Variants in AFTPH observed in about 807,000 individuals in gnomAD.
AFTPH encodes aftiphilin.
AFTPH carries 7 observed loss-of-function variants against 72.5 expected under a neutral mutation model. The observed-to-expected ratio is 0.10, with a 90% CI of 0.05 to 0.18. The LOEUF is 0.18. Ranked by LOEUF, AFTPH falls within the 10% of genes least tolerant of loss-of-function variation. The probability of loss-of-function intolerance (pLI) is 1.00; values close to 1 mark genes in which losing one functional copy is unlikely to be tolerated. For synonymous variants in AFTPH, 337 were observed against 370.1 expected, an observed-to-expected ratio of 0.91 and a Z score of 1.03; for missense variants, 979 against 1,060.5, an observed-to-expected ratio of 0.92 and a Z score of 1.07.
In AFTPH at chr2:64,591,761, C is replaced by G. The variant is rs1182938411; in HGVS notation, c.2580-124C>G. ...ACAAAAGTATTACAAGATTCAGGAA[C>G]TAGCAGAGGAAAAAATACTCAAGTC... On this transcript the variant is annotated intron_variant, in intron 8 of 8. Transcript: ENST00000238856. 3 of 963,830 alleles carry G rather than the reference C, an allele frequency of 3.1e-6. No homozygotes were observed. In the African/African-American group the frequency reaches 4.9e-5, roughly 16 times the overall value. 59.7% of individuals were successfully genotyped at this position (963,830 alleles called of 1,614,324 possible).
Position 64,552,151 on chromosome 2 carries a change from G to A in AFTPH, c.677G>A (p.Ser226Asn), listed in dbSNP as rs147766983. 9.9e-4 allele frequency: 1,597 copies of A among 1,613,972 alleles called. 1 individual carries two copies. Among genetic ancestry groups the A allele is most frequent in the Non-Finnish European group, 1.3e-3 (1,516 of 1,180,000 alleles). ...GAGTATAATTTAGACTCTGTACCTAGTCCTGCTGAGGAATTTGCAGATTTT... is the reference window on the plus strand; with the variant it reads ...GAGTATAATTTAGACTCTGTACCTAATCCTGCTGAGGAATTTGCAGATTTT... Residue 226 changes from serine (S) to asparagine (N), a missense_variant, in exon 2 of 9, where the codon AGT becomes AAT. Ser to Asn is a conservative substitution (Grantham distance 46, BLOSUM62 1). Transcript: ENST00000238856.
intron 1 of AFTPH, among the ~76,000 whole-genome samples, chr2:64,535,140 A>G (rs1371014677): frequency 6.6e-6 from 1 of 152,224 alleles, no homozygotes; most frequent in African/African-American, 2.4e-5. Flanking sequence ...AGGAAAAAGT[A>G]CTATTGCAGT....
At chr2:64,580,123 T>TAAAAGAAAATCCTCAAAAAGGA (rs1673093268) in intron 7 of AFTPH, 2 of 152,688 alleles carry the variant, frequency 1.3e-5, no homozygotes, top group African/African-American at 4.8e-5. Flanking sequence ...CTTATGGCTT[T>TAAAAGAAAATCCTCAAAAAGGA]AAAAGAAAAT....
At chr2:64,580,681 CTTTA>C (rs1276657025) in intron 7 of AFTPH, 5 of 152,682 alleles carry the variant, frequency 3.3e-5, no homozygotes, top group African/African-American at 1.2e-4. Flanking sequence ...TTATGACATT[CTTTA>C]TTATGTTATT....
At chr2:64,543,781 C>A (rs995618900) in intron 1 of AFTPH, among the ~76,000 whole-genome samples, 1 of 152,082 alleles carries the variant, frequency 6.6e-6, no homozygotes, top group East Asian at 1.9e-4. Context: ...GTTGTTGGCC[C>A]CATTCCTTCC....
chr2:64,588,430 AT>A (rs1673634967), intron 8 of AFTPH, among the ~76,000 whole-genome samples: 1 of 152,178 alleles, frequency 6.6e-6, no homozygotes, highest in Non-Finnish European at 1.5e-5. Flanking sequence ...GTGTGGACAG[AT>A]GTTTCCAACT....
At position 64,549,259 on chromosome 2, in the gene AFTPH, T is replaced by C. The variant is rs559382052; in HGVS notation, c.-32-2184T>C. ...CTGTGAGTTGTAAGAAGTATCTGTTTATTATTTATGTGCTGGTTTTATTCT... is the reference window on the plus strand; with the variant it reads ...CTGTGAGTTGTAAGAAGTATCTGTTCATTATTTATGTGCTGGTTTTATTCT... On this transcript the variant is annotated intron_variant, in intron 1 of 8. Transcript: ENST00000238856. Among the ~76,000 whole-genome samples the C allele has an allele frequency of 4.5e-4, 69 of 152,092 alleles. 1 individual carries two copies. The South Asian group carries it at 0.014, about 31-fold the overall frequency.
chr2:64,549,315 T>C (rs1233580652), intron 1 of AFTPH, among the ~76,000 whole-genome samples: 1 of 104,598 alleles, frequency 9.6e-6, no homozygotes, highest in Non-Finnish European at 1.7e-5. Flanking sequence ...TCCCTTTTTT[T>C]TTTTTTTTTT....
chr2:64,524,988 G>C (rs2103776213), intron 1 of AFTPH, among the ~76,000 whole-genome samples: 1 of 152,318 alleles, frequency 6.6e-6, no homozygotes, highest in African/African-American at 2.4e-5. Context: ...GGCTTTGCTT[G>C]GGCTTCTTCG....
At chr2:64,565,502 TC>T (rs1181126838) in intron 2 of AFTPH, among the ~76,000 whole-genome samples, 1 of 150,756 alleles carries the variant, frequency 6.6e-6, no homozygotes, top group Non-Finnish European at 1.5e-5. Context: ...AAGCCTTTGT[TC>T]ATTCTATTAG....
intron 8 of AFTPH, among the ~76,000 whole-genome samples, chr2:64,586,516 GA>G (rs1673521929): frequency 1.3e-5 from 2 of 152,164 alleles, no homozygotes; most frequent in African/African-American, 4.8e-5. Flanking sequence ...ACTTTAGCTT[GA>G]ATTATCATAT....
intron 6 of AFTPH, among the ~76,000 whole-genome samples, chr2:64,576,448 T>C (rs1340764802): frequency 6.6e-6 from 1 of 152,136 alleles, no homozygotes; most frequent in East Asian, 1.9e-4. Flanking sequence ...CTATTGCATC[T>C]CTTGTTTAGA....
chr2:64,581,053 A>G (rs1673167590), intron 7 of AFTPH, 137 bp from the exon 8 acceptor site: 1 of 576,598 alleles, frequency 1.7e-6, no homozygotes, highest in African/African-American at 1.9e-5. Flanking sequence ...TTTAATGTTG[A>G]TTTTTAAAAT....
intron 1 of AFTPH, among the ~76,000 whole-genome samples, chr2:64,549,614 G>A (rs1407163398): frequency 6.6e-6 from 1 of 151,912 alleles, no homozygotes; most frequent in African/African-American, 2.4e-5. Context: ...CCCTTTGCTT[G>A]TAATGTTAAA....
At chr2:64,584,593 A>ATTTTTT (rs5831705) in intron 7 of AFTPH, among the ~76,000 whole-genome samples, 2 of 117,006 alleles carry the variant, frequency 1.7e-5, no homozygotes, top group African/African-American at 6.8e-5. Flanking sequence ...CTTAGTCATG[A>ATTTTTT]TTTTTTTTTT....
intron 7 of AFTPH, among the ~76,000 whole-genome samples, chr2:64,582,383 ATC>A (rs1396786745): frequency 1.3e-5 from 2 of 152,172 alleles, no homozygotes; most frequent in Non-Finnish European, 2.9e-5. Flanking sequence ...GGTTATGCAA[ATC>A]TGATTCTGCT....
At chr2:64,580,847 T>C (rs1673151791) in intron 7 of AFTPH, 1 of 160,516 alleles carries the variant, frequency 6.2e-6, no homozygotes, top group Admixed American at 6.4e-5. Flanking sequence ...GAGATTAAAG[T>C]ATTGTTTCCC....
At chr2:64,577,857 A>AT (rs1254565103) in intron 6 of AFTPH, among the ~76,000 whole-genome samples, 1 of 152,230 alleles carries the variant, frequency 6.6e-6, no homozygotes, top group Non-Finnish European at 1.5e-5. Context: ...CTTACATAAT[A>AT]TGCTATAATG....
At chr2:64,566,103 C>T (rs1672073976) in intron 2 of AFTPH, among the ~76,000 whole-genome samples, 1 of 152,202 alleles carries the variant, frequency 6.6e-6, no homozygotes, top group Non-Finnish European at 1.5e-5. Flanking sequence ...AGGAGCCAAT[C>T]ATGTATCCAA....
Sources: gnomAD v4.1 joint callset for allele counts (sites outside exome capture counted in the v4.1 genomes callset) on GRCh38, gnomAD v4.1.1 for gene constraint, MANE v1.5 for transcripts, NCBI Gene and HGNC (gene_info 2026-07-23, HGNC 2026-07-21) for gene names.